The following WASHC3 variants were observed in gnomAD, a reference collection of about 807,000 sequenced individuals.
The protein encoded by WASHC3 is WASH complex subunit 3, also known as WASH complex subunit CCDC53.
In WASHC3, 24 loss-of-function variants were observed where a neutral mutation model predicts 26.1. The ratio of observed to expected loss-of-function variants is 0.92; its 90% CI spans 0.66 to 1.29. The LOEUF (loss-of-function observed/expected upper bound fraction) is 1.29, where lower values mean the gene tolerates loss of function less well. Ranked by LOEUF, WASHC3 falls within the 50% of genes most tolerant of loss-of-function variation. The pLI, the probability that WASHC3 is intolerant of heterozygous loss-of-function variation, is 0.00. For synonymous variants in WASHC3, 77 were observed against 75.7 expected (o/e 1.02, Z -0.09); for missense variants, 214 against 229.6 (o/e 0.93, Z 0.44).
At chr12:102,050,344 T>C (rs978829348) in intron 2 of WASHC3, 1 of 441,754 alleles carries the variant, frequency 2.3e-6, no homozygotes, top group Non-Finnish European at 4.5e-6. Flanking sequence ...TCTGGCCAGG[T>C]ACAGTGGCTC....
chr12:102,025,031 A>G (rs1877116877), intron 6 of WASHC3, among the ~76,000 whole-genome samples: 1 of 152,200 alleles, frequency 6.6e-6, no homozygotes, highest in South Asian at 2.1e-4. Flanking sequence ...GTAGACTTTA[A>G]AAGAATTCAT....
chr12:102,028,366 CA>C (rs927736365), intron 5 of WASHC3, among the ~76,000 whole-genome samples: 2 of 151,912 alleles, frequency 1.3e-5, no homozygotes, highest in South Asian at 4.2e-4. Flanking sequence ...AAACATTCCA[CA>C]AAAAAATATG....
chr12:102,051,447 T>C (rs1052409176), intron 2 of WASHC3, among the ~76,000 whole-genome samples: 1 of 152,328 alleles, frequency 6.6e-6, no homozygotes, highest in Middle Eastern at 3.4e-3. Context: ...TCTTTGGAAT[T>C]GACATAAAAA....
At chr12:102,039,060 A>G (rs1226285924) in intron 5 of WASHC3, among the ~76,000 whole-genome samples, 1 of 151,644 alleles carries the variant, frequency 6.6e-6, no homozygotes, top group African/African-American at 2.4e-5. Context: ...CTTGGGCTCA[A>G]GCAATCCTCC....
intron 6 of WASHC3, chr12:102,019,147 AAGTGCATACT>A (rs1305930023): frequency 6.4e-6 from 1 of 157,202 alleles, no homozygotes; most frequent in Non-Finnish European, 1.4e-5. Context: ...ACAAAAGAAA[AAGTGCATACT>A]AGTTCTCTTT....
intron 5 of WASHC3, among the ~76,000 whole-genome samples, chr12:102,032,534 C>T (rs1440781624): frequency 6.6e-6 from 1 of 151,994 alleles, no homozygotes; most frequent in Non-Finnish European, 1.5e-5. Flanking sequence ...AATTATCTGC[C>T]ACATTTGGAA....
chr12:102,028,529 G>A (rs1291181575), intron 5 of WASHC3, among the ~76,000 whole-genome samples: 3 of 151,888 alleles, frequency 2.0e-5, no homozygotes, highest in Non-Finnish European at 4.4e-5. Flanking sequence ...TAATCCACAG[G>A]ACGTCATTGG....
chr12:102,037,459 G>A (rs913579687), intron 5 of WASHC3, among the ~76,000 whole-genome samples: 2 of 152,214 alleles, frequency 1.3e-5, no homozygotes, highest in African/African-American at 4.8e-5. Context: ...GCTGTACTTA[G>A]AAGGTAATAT....
intron 6 of WASHC3, among the ~76,000 whole-genome samples, chr12:102,023,133 T>C (rs576617303): frequency 1.3e-5 from 2 of 152,158 alleles, no homozygotes; most frequent in Non-Finnish European, 2.9e-5. Context: ...TTTTATAGAA[T>C]TCCTAAAATT....
intron 2 of WASHC3, among the ~76,000 whole-genome samples, chr12:102,046,710 G>C (rs1327025329): frequency 3.3e-5 from 5 of 152,152 alleles, no homozygotes; most frequent in Non-Finnish European, 4.4e-5. Context: ...CCAGGACAGA[G>C]CCTTTTGTTT....
intron 6 of WASHC3, among the ~76,000 whole-genome samples, chr12:102,019,643 C>T (rs1876866021): frequency 6.6e-6 from 1 of 152,112 alleles, no homozygotes; most frequent in African/African-American, 2.4e-5. Flanking sequence ...AATAAAAACA[C>T]TAGCTTGGTG....
intron 1 of WASHC3, 64 bp downstream of exon 1, chr12:102,061,848 G>C: frequency 2.8e-6 from 4 of 1,438,260 alleles, no homozygotes; most frequent in Non-Finnish European, 3.8e-6. Flanking sequence ...TGTCTCCCCG[G>C]AAAGCTGCGT....
intron 2 of WASHC3, among the ~76,000 whole-genome samples, chr12:102,055,412 C>T (rs1012623063): frequency 1.3e-5 from 2 of 152,184 alleles, no homozygotes; most frequent in African/African-American, 4.8e-5. Flanking sequence ...ATGGCGCAAT[C>T]TTGGCTCACT....
Position 102,039,127 on chromosome 12 carries a change from G to GTTTTTTTTTTTTTTTTTTTTTTTTT in WASHC3, c.435+740_435+741insAAAAAAAAAAAAAAAAAAAAAAAAA, listed in dbSNP as rs151151284. On this transcript the variant is annotated intron_variant, in intron 5 of 6. Coordinates refer to ENST00000240079, the MANE Select transcript of WASHC3 (RefSeq NM_016053.4). ...AGGTGCATGCCATCATATGGAGTTA[G>GTTTTTTTTTTTTTTTTTTTTTTTTT]GTTTTTTTTTTTTTTTTTTTTTTTA... Among the ~76,000 whole-genome samples, 2 of 84,272 alleles carry GTTTTTTTTTTTTTTTTTTTTTTTTT rather than the reference G, an allele frequency of 2.4e-5. 1 individual carries two copies. The highest frequency in any genetic ancestry group is 4.6e-5 in the Non-Finnish European group (2 of 43,134). The allele number at this position is 84,272 out of a possible 152,430, so 55.3% of individuals were successfully genotyped here.
intron 4 of WASHC3, chr12:102,040,478 A>G (rs542851272): frequency 1.4e-4 from 21 of 152,222 alleles, no homozygotes; most frequent in African/African-American, 5.1e-4. Context: ...TAACTTTTAG[A>G]AAGCAATTTT....
chr12:102,036,102 G>A (rs183323627), intron 5 of WASHC3, among the ~76,000 whole-genome samples: 8 of 152,290 alleles, frequency 5.3e-5, no homozygotes, highest in South Asian at 2.1e-4. Flanking sequence ...GCTCACGCCT[G>A]TAATCCCAGC....
chr12:102,061,285 A>G lies in WASHC3; in HGVS notation c.113T>C (p.Val38Ala), dbSNP rs1289940176. 4.3e-6 allele frequency: 7 copies of G among 1,613,786 alleles called. No individual in the cohort carries two copies. In the Admixed American group the frequency reaches 8.3e-5, roughly 19 times the overall value. The change falls in exon 2 of 7, where the codon GTA (valine) becomes GCA (alanine). Residue 38 changes from valine to alanine, a missense_variant. Coordinates refer to ENST00000240079, the MANE Select transcript of WASHC3 (RefSeq NM_016053.4). ...TGTAGAAAAGCGGTTGAGGAACTGTACAGTGTGCACCACAAATTGGTTTAG... is the reference window on the plus strand; with the variant it reads ...TGTAGAAAAGCGGTTGAGGAACTGTGCAGTGTGCACCACAAATTGGTTTAG... Reference protein sequence around the residue: ...AFLNQFVVHTVQFLNRFSTVC... With the variant: ...AFLNQFVVHTAQFLNRFSTVC...
chr12:102,041,360 C>T (rs1877930772), intron 4 of WASHC3, among the ~76,000 whole-genome samples: 1 of 152,034 alleles, frequency 6.6e-6, no homozygotes, highest in African/African-American at 2.4e-5. Context: ...AAATGTATTA[C>T]ACCTTTGCTA....
rs538820185 is a variant in WASHC3, at chr12:102,038,252, GTGTT to G, written c.435+1612_435+1615del. The stretch of plus-strand genomic sequence containing the variant: ...AATACAGTAGCTTAGCTTCAAGTAA[GTGTT>G]TGATAAATATTTGTGAAATAAACAG... On this transcript the variant is annotated intron_variant, in intron 5 of 6. Transcript: ENST00000240079. Among the ~76,000 whole-genome samples the G allele has an allele frequency of 1.1e-4, 17 of 152,302 alleles. No individual in the cohort carries two copies. The South Asian group carries it at 2.9e-3, about 26-fold the overall frequency.
Sources: allele counts gnomAD v4.1 joint callset (sites outside exome capture counted in the v4.1 genomes callset), GRCh38; gene constraint gnomAD v4.1.1; transcripts MANE v1.5; gene names NCBI Gene and HGNC (gene_info 2026-07-23, HGNC 2026-07-21).